ACTR3C: variants seen among roughly 807,000 people sequenced by gnomAD.
ACTR3C encodes the protein actin-related protein 3C.
Under a neutral mutation model 26.3 loss-of-function variants are expected in ACTR3C, and 18 were observed. That is an observed-to-expected ratio of 0.68 (90% CI 0.47 to 1.01). The LOEUF (loss-of-function observed/expected upper bound fraction) is 1.01, where lower values mean the gene tolerates loss of function less well. Among genes scored for constraint, ACTR3C ranks in the 50% least tolerant of loss-of-function variants. The probability of loss-of-function intolerance (pLI) is 0.00; values close to 1 mark genes in which losing one functional copy is unlikely to be tolerated. For synonymous variants in ACTR3C, 55 were observed against 94.5 expected, an observed-to-expected ratio of 0.58 and a Z score of 2.42; for missense variants, 184 against 250.7, an observed-to-expected ratio of 0.73 and a Z score of 1.80.
At chr7:150,180,293 A>C in the ACTR3C span, among the ~76,000 whole-genome samples, 2 of 150,086 alleles carry the variant, frequency 1.3e-5, no homozygotes, top group African/African-American at 2.5e-5. Context: ...CGACAGAGCG[A>C]GACTCCATAT....
At chr7:150,050,437 C>G in the ACTR3C span, among the ~76,000 whole-genome samples, 1 of 152,158 alleles carries the variant, frequency 6.6e-6, no homozygotes, top group South Asian at 2.1e-4. Flanking sequence ...TAACTATAAT[C>G]TAACCAAAGT....
At chr7:150,103,008 T>C in the ACTR3C span, among the ~76,000 whole-genome samples, 3 of 152,194 alleles carry the variant, frequency 2.0e-5, no homozygotes, top group Admixed American at 2.0e-4. Flanking sequence ...AATTTTTGTG[T>C]GCTTAAGAGG....
the ACTR3C span, among the ~76,000 whole-genome samples, chr7:150,003,241 T>G: frequency 6.6e-6 from 1 of 152,250 alleles, no homozygotes; most frequent in African/African-American, 2.4e-5. Context: ...ATGTGGTGTT[T>G]GCATTTGTGT....
chr7:150,041,784 C>T, the ACTR3C span, among the ~76,000 whole-genome samples: 3 of 122,164 alleles, frequency 2.5e-5, no homozygotes, highest in Non-Finnish European at 1.8e-5. Flanking sequence ...TCAGTCCCTG[C>T]CTCGCGGGGG....
the ACTR3C span, among the ~76,000 whole-genome samples, chr7:149,935,982 C>T: frequency 6.6e-6 from 1 of 151,826 alleles, no homozygotes; most frequent in East Asian, 1.9e-4. Flanking sequence ...ACAGTCACCC[C>T]CAAAAGTATG....
the ACTR3C span, among the ~76,000 whole-genome samples, chr7:149,959,224 C>G: frequency 2.5e-4 from 4 of 16,044 alleles, no homozygotes; most frequent in South Asian, 3.2e-3. Context: ...ATTAGCTCGC[C>G]CCCCACCCCC....
chr7:150,247,592 GA>G (rs1266093964), intron 7 of ACTR3C, 23 bp from the exon 8 acceptor site: 1 of 133,460 alleles, frequency 7.5e-6, no homozygotes, highest in East Asian at 2.1e-4. Flanking sequence ...CACAAAACAG[GA>G]AAGGAAAGAA....
chr7:150,100,992 A>AC, the ACTR3C span, among the ~76,000 whole-genome samples: 1 of 151,034 alleles, frequency 6.6e-6, no homozygotes, highest in Admixed American at 6.6e-5. Context: ...GGCGTGAGCC[A>AC]CCCCCCACTG....
the ACTR3C span, among the ~76,000 whole-genome samples, chr7:149,891,851 G>C: frequency 2.4e-5 from 1 of 42,124 alleles, no homozygotes; most frequent in African/African-American, 4.2e-5. Context: ...ATACAATGAG[G>C]AACCGATAGA....
chr7:150,221,761 G>A, the ACTR3C span, among the ~76,000 whole-genome samples: 14 of 152,204 alleles, frequency 9.2e-5, no homozygotes, highest in South Asian at 2.9e-3. Context: ...TTGGGAGGCC[G>A]AGGAGGGCGG....
chr7:150,109,547 C>T, the ACTR3C span, among the ~76,000 whole-genome samples: 2 of 151,368 alleles, frequency 1.3e-5, no homozygotes, highest in East Asian at 1.9e-4. Context: ...TCCATCTACT[C>T]AGCCTGACGA....
the ACTR3C span, among the ~76,000 whole-genome samples, chr7:150,043,811 A>C: frequency 6.7e-6 from 1 of 149,116 alleles, no homozygotes; most frequent in Middle Eastern, 3.4e-3. Context: ...AAAGTAATAG[A>C]GTAGAGTATA....
intron 6 of ACTR3C, among the ~76,000 whole-genome samples, chr7:150,266,445 G>C (rs956342326): frequency 6.6e-6 from 1 of 151,366 alleles, no homozygotes; most frequent in Non-Finnish European, 1.5e-5. Context: ...TTATCACTGA[G>C]TTAAATGTAA....
At chr7:150,178,346 G>A in the ACTR3C span, among the ~76,000 whole-genome samples, 3 of 146,256 alleles carry the variant, frequency 2.1e-5, no homozygotes, top group East Asian at 2.0e-4. Flanking sequence ...ACAGAGGCAC[G>A]ATCTCAGCTC....
At chr7:150,013,369 C>G in the ACTR3C span, among the ~76,000 whole-genome samples, 81,718 of 148,700 alleles carry the variant, frequency 0.55, 19,473 homozygotes, top group East Asian at 0.82. Flanking sequence ...AACACTGCTC[C>G]ATCTCAATTC....
At chr7:150,123,254 C>T in the ACTR3C span, among the ~76,000 whole-genome samples, 2 of 149,720 alleles carry the variant, frequency 1.3e-5, no homozygotes, top group Non-Finnish European at 3.0e-5. Flanking sequence ...AAAATCAGGA[C>T]AAAAAAAAAG....
chr7:150,151,178 A>T, the ACTR3C span, among the ~76,000 whole-genome samples: 1 of 127,186 alleles, frequency 7.9e-6, no homozygotes, highest in Non-Finnish European at 1.7e-5. Flanking sequence ...TCTTTTTTCT[A>T]TTTTTCTTAG....
chr7:150,068,534 G>C, the ACTR3C span, among the ~76,000 whole-genome samples: 1 of 151,880 alleles, frequency 6.6e-6, no homozygotes, highest in Admixed American at 6.6e-5. Flanking sequence ...CAGCACTTTG[G>C]GAGGCTGACG....
chr7:149,999,137 C>T, the ACTR3C span, among the ~76,000 whole-genome samples: 1 of 150,728 alleles, frequency 6.6e-6, no homozygotes, highest in Admixed American at 6.7e-5. Flanking sequence ...TACCCAGACC[C>T]TGTGGGTAAC....
Sources: gnomAD v4.1 joint callset for allele counts (sites outside exome capture counted in the v4.1 genomes callset) on GRCh38, gnomAD v4.1.1 for gene constraint, MANE v1.5 for transcripts, NCBI Gene and HGNC (gene_info 2026-07-23, HGNC 2026-07-21) for gene names.